ADAM32: variants seen among roughly 807,000 people sequenced by gnomAD.
ADAM32 encodes the protein disintegrin and metalloproteinase domain-containing protein 32.
ADAM32 carries 89 observed loss-of-function variants against 114.9 expected under a neutral mutation model. The observed-to-expected ratio is 0.77, with a 90% CI of 0.65 to 0.92. The LOEUF is 0.92. Ranked by LOEUF, ADAM32 falls within the 40% of genes least tolerant of loss-of-function variation. The pLI is 0.00. For synonymous variants in ADAM32, 285 were observed against 307.5 expected (o/e 0.93, Z 0.77); for missense variants, 870 against 932.8 (o/e 0.93, Z 0.88).
At position 39,232,122 on chromosome 8, in the gene ADAM32, T is replaced by C; in HGVS notation, c.1621T>C (p.Phe541Leu). The stretch of plus-strand genomic sequence containing the variant: ...TAGGGATAGAAATAACAAATATGTG[T>C]TCTGTGGATGGAGGTATGCTCTACA... ...CGRDRNNKYV[F>L]CGWRNLICGR... Residue 541 changes from phenylalanine to leucine, a missense_variant, in exon 15 of 25, where the codon TTC becomes CTC. Phe to Leu is a conservative substitution (Grantham distance 22). Coordinates refer to ENST00000379907, the MANE Select transcript of ADAM32 (RefSeq NM_145004.7). 1.3e-6 allele frequency: 2 copies of C among 1,599,310 alleles called. No homozygotes were observed. Among genetic ancestry groups the C allele is most frequent in the Non-Finnish European group, 1.7e-6 (2 of 1,168,272 alleles).
At chr8:39,138,290 A>T (rs1224843375) in intron 3 of ADAM32, among the ~76,000 whole-genome samples, 1 of 152,094 alleles carries the variant, frequency 6.6e-6, no homozygotes, top group African/African-American at 2.4e-5. Context: ...TGTCATTTAC[A>T]TTAGGTATTT....
At chr8:39,174,935 C>G (rs1474778484) in intron 10 of ADAM32, among the ~76,000 whole-genome samples, 4 of 151,966 alleles carry the variant, frequency 2.6e-5, no homozygotes. Flanking sequence ...GTATTTTATT[C>G]TCTTTGTAGC....
intron 16 of ADAM32, among the ~76,000 whole-genome samples, chr8:39,243,629 T>G (rs1175252184): frequency 1.3e-5 from 2 of 152,126 alleles, no homozygotes. Context: ...GGGACATACC[T>G]TAAGGTAATA....
intron 19 of ADAM32, among the ~76,000 whole-genome samples, chr8:39,269,824 A>T (rs896170831): frequency 6.6e-6 from 1 of 152,200 alleles, no homozygotes; most frequent in Admixed American, 6.5e-5. Flanking sequence ...ATAGTGCTAT[A>T]CAGAACTGCC....
At chr8:39,274,207 C>T in intron 20 of ADAM32, 105 bp from the exon 21 acceptor site, 1 of 1,070,824 alleles carries the variant, frequency 9.3e-7, no homozygotes, top group African/African-American at 1.6e-5. Context: ...AGTAATTAGT[C>T]TTTTAAAGAG....
At chr8:39,125,403 C>G (rs1802053453) in intron 2 of ADAM32, among the ~76,000 whole-genome samples, 1 of 152,120 alleles carries the variant, frequency 6.6e-6, no homozygotes, top group Non-Finnish European at 1.5e-5. Context: ...AAGCACGTAA[C>G]TTGTCTGGTT....
chr8:39,203,231 G>C (rs958751851), intron 11 of ADAM32, among the ~76,000 whole-genome samples: 1 of 152,256 alleles, frequency 6.6e-6, no homozygotes, highest in South Asian at 2.1e-4. Flanking sequence ...TGACAATGGG[G>C]TGTTAAAGTC....
At chr8:39,203,155 G>T (rs1807553389) in intron 11 of ADAM32, among the ~76,000 whole-genome samples, 1 of 152,136 alleles carries the variant, frequency 6.6e-6, no homozygotes, top group Non-Finnish European at 1.5e-5. Flanking sequence ...GGTCTACTTG[G>T]TCCAGGGCTG....
At chr8:39,158,553 T>A in intron 6 of ADAM32, 1 of 347,732 alleles carries the variant, frequency 2.9e-6, no homozygotes, top group Non-Finnish European at 5.5e-6. Context: ...CATGCCAGCC[T>A]TGTATCCCAG....
At chr8:39,227,873 A>G (rs369515879) in intron 14 of ADAM32, among the ~76,000 whole-genome samples, 1 of 152,302 alleles carries the variant, frequency 6.6e-6, no homozygotes, top group South Asian at 2.1e-4. Flanking sequence ...GAGGCCAACC[A>G]GCACAAAAAT....
chr8:39,186,033 G>T (rs1400645648), intron 10 of ADAM32, among the ~76,000 whole-genome samples: 1 of 152,108 alleles, frequency 6.6e-6, no homozygotes, highest in Non-Finnish European at 1.5e-5. Context: ...TTCCAGCTTG[G>T]TCCTCAGCCA....
At chr8:39,271,819 A>G (rs1032148480) in intron 20 of ADAM32, among the ~76,000 whole-genome samples, 10 of 152,116 alleles carry the variant, frequency 6.6e-5, no homozygotes, top group African/African-American at 2.4e-4. Flanking sequence ...TTGACACTGA[A>G]AGAGAATATG....
intron 9 of ADAM32, 85 bp from the exon 10 acceptor site, chr8:39,169,831 A>G (rs912710579): frequency 5.0e-6 from 5 of 1,002,734 alleles, no homozygotes; most frequent in Admixed American, 4.7e-5. Flanking sequence ...GGATTTTATG[A>G]ACTGCAGACT....
At chr8:39,210,191 C>T (rs945747640) in intron 11 of ADAM32, among the ~76,000 whole-genome samples, 13 of 152,148 alleles carry the variant, frequency 8.5e-5, no homozygotes, top group Non-Finnish European at 1.5e-4. Flanking sequence ...CTGTGTTTTA[C>T]GGTAGTGGGG....
At chr8:39,217,556 C>G (rs1413072422) in intron 12 of ADAM32, among the ~76,000 whole-genome samples, 1 of 151,550 alleles carries the variant, frequency 6.6e-6, no homozygotes, top group East Asian at 1.9e-4. Flanking sequence ...CTTTTTTATT[C>G]TTTTTTTATT....
intron 6 of ADAM32, among the ~76,000 whole-genome samples, chr8:39,156,024 G>A (rs1217463115): frequency 1.3e-5 from 2 of 151,886 alleles, no homozygotes; most frequent in Non-Finnish European, 2.9e-5. Context: ...CTATGTTAAT[G>A]ATAATACAAT....
chr8:39,269,534 A>G (rs560425062), intron 19 of ADAM32, among the ~76,000 whole-genome samples: 1 of 151,958 alleles, frequency 6.6e-6, no homozygotes, highest in East Asian at 1.9e-4. Context: ...CATTTCTCTA[A>G]TTTTTCTTTC....
At chr8:39,214,710 A>G (rs1414725445) in intron 12 of ADAM32, among the ~76,000 whole-genome samples, 1 of 151,850 alleles carries the variant, frequency 6.6e-6, no homozygotes, top group Non-Finnish European at 1.5e-5. Flanking sequence ...CCATTTATTC[A>G]TGTTTCGTTT....
At chr8:39,202,516 CT>C (rs1231253345) in intron 11 of ADAM32, among the ~76,000 whole-genome samples, 1 of 152,136 alleles carries the variant, frequency 6.6e-6, no homozygotes, top group Non-Finnish European at 1.5e-5. Context: ...ATTCTTCTCT[CT>C]TTTCTTCTTT....
Sources: gnomAD v4.1 joint callset for allele counts (sites outside exome capture counted in the v4.1 genomes callset) on GRCh38, gnomAD v4.1.1 for gene constraint, MANE v1.5 for transcripts, NCBI Gene and HGNC (gene_info 2026-07-23, HGNC 2026-07-21) for gene names.